The following JADE3 variants were observed in gnomAD, a reference collection of about 807,000 sequenced individuals.
JADE3 encodes the protein protein Jade-3.
A neutral mutation model predicts 50.1 loss-of-function variants in JADE3; 2 were observed. The observed-to-expected ratio is 0.04, with a 90% CI of 0.02 to 0.13. JADE3 has a LOEUF of 0.13. Ranked by LOEUF, JADE3 falls within the 10% of genes least tolerant of loss-of-function variation. The pLI, the probability that JADE3 is intolerant of heterozygous loss-of-function variation, is 1.00. For synonymous variants in JADE3, 218 were observed against 232.9 expected (o/e 0.94, Z 0.58); for missense variants, 475 against 634.4 (o/e 0.75, Z 2.70).
In JADE3 at chrX:47,059,198, C is replaced by G; in HGVS notation, c.*121C>G. The G allele has an allele frequency of 3.8e-6, 2 of 519,864 alleles. No individual in the cohort carries two copies. The highest frequency in any genetic ancestry group is 5.9e-6 in the Non-Finnish European group (2 of 337,255). The allele number at this position is 519,864 out of a possible 1,213,427, so 42.8% of individuals were successfully genotyped here. On this transcript the variant is annotated 3_prime_UTR_variant, in exon 11 of 11. Coordinates refer to ENST00000614628, the MANE Select transcript of JADE3 (RefSeq NM_014735.5). ...TTGCAGTGAAAAGGATAACATTTTT[C>G]CATAGTAAATTGTCTTGCAGTTTTT...
chrX:46,930,148 T>C (rs1016359148), intron 1 of JADE3, among the ~76,000 whole-genome samples: 1 of 112,287 alleles, frequency 8.9e-6, no homozygotes, highest in Non-Finnish European at 1.9e-5. Flanking sequence ...TCCAGATGAC[T>C]TATGAGCCTA....
At chrX:46,957,154 A>T (rs376640179) in intron 1 of JADE3, among the ~76,000 whole-genome samples, 3 of 110,634 alleles carry the variant, frequency 2.7e-5, no homozygotes, top group East Asian at 5.7e-4. Flanking sequence ...AGAAATGCTT[A>T]TTTCTCCTTT....
intron 4 of JADE3, among the ~76,000 whole-genome samples, chrX:47,015,159 A>G (rs961695547): frequency 2.9e-4 from 33 of 112,631 alleles, no homozygotes; most frequent in Admixed American, 2.8e-4. Flanking sequence ...AATTATGAAT[A>G]TATTATTTTG....
chrX:47,040,021 G>C (rs1435059687), intron 8 of JADE3, among the ~76,000 whole-genome samples: 10 of 111,828 alleles, frequency 8.9e-5, no homozygotes, highest in Admixed American at 3.8e-4. Flanking sequence ...GGGGAGACGT[G>C]GATGGGATTG....
intron 3 of JADE3, among the ~76,000 whole-genome samples, chrX:46,991,729 A>G (rs781902247): frequency 4.5e-5 from 5 of 111,482 alleles, no homozygotes; most frequent in South Asian, 7.5e-4. Context: ...AGAGACTTCA[A>G]ATTCTTCTAG....
At position 46,912,421 on chromosome X, in the gene JADE3, A is replaced by G; in HGVS notation, c.-310A>G. The G allele has an allele frequency of 8.8e-6, 1 of 113,274 alleles. No homozygotes were observed. The highest frequency in any genetic ancestry group is 3.4e-4 in the South Asian group (1 of 2,952). 9.3% of individuals were successfully genotyped at this position (113,274 alleles called of 1,213,427 possible). On this transcript the variant is annotated 5_prime_UTR_variant, in exon 1 of 11. Coordinates refer to ENST00000614628, the MANE Select transcript of JADE3 (RefSeq NM_014735.5). ...GGGAAGAGGCGGAGCGTGGGAGCGC[A>G]CAGTGTCAGGAATACAATAGTGCTC...
chrX:47,053,444 A>G (rs1166632613), intron 8 of JADE3, among the ~76,000 whole-genome samples: 2 of 110,410 alleles, frequency 1.8e-5, no homozygotes, highest in Admixed American at 9.6e-5. Context: ...TTTTTAGTAG[A>G]GACAGGGTTT....
chrX:46,956,249 G>A (rs782653415), intron 1 of JADE3, among the ~76,000 whole-genome samples: 9 of 111,599 alleles, frequency 8.1e-5, no homozygotes, highest in Non-Finnish European at 1.5e-4. Context: ...ATTTTTAGTA[G>A]ACAAGGGGTT....
rs919834145 is a variant in JADE3 at position 46,913,736 on chromosome X, C to A, written c.-12+1017C>A. ...GGTGGCGGGATCTGGAGTGAGTGAC[C>A]ACAATGGTGGTATGTGGAGGCATGT... On this transcript the variant is annotated intron_variant, in intron 1 of 10. Transcript: ENST00000614628. Among the ~76,000 whole-genome samples the A allele has an allele frequency of 2.7e-5, 3 of 110,034 alleles. No individual in the cohort carries two copies. The South Asian group carries it at 1.2e-3, about 43-fold the overall frequency.
At chrX:47,010,948 T>C (rs1003604455) in intron 4 of JADE3, among the ~76,000 whole-genome samples, 58 of 112,064 alleles carry the variant, frequency 5.2e-4, no homozygotes, top group African/African-American at 1.7e-3. Context: ...AGCCACCTTC[T>C]CACTGTGTCC....
intron 1 of JADE3, among the ~76,000 whole-genome samples, chrX:46,916,153 A>G (rs956325199): frequency 4.5e-5 from 5 of 112,319 alleles, no homozygotes; most frequent in Admixed American, 9.4e-5. Context: ...CTTCTGGGAC[A>G]CATTCTTTTT....
At chrX:46,935,000 C>A (rs1299305084) in intron 1 of JADE3, among the ~76,000 whole-genome samples, 1 of 111,727 alleles carries the variant, frequency 9.0e-6, no homozygotes, top group Non-Finnish European at 1.9e-5. Context: ...GTGGTGCGAT[C>A]TCAGCACACT....
chrX:46,927,566 A>G (rs1477270737), intron 1 of JADE3, among the ~76,000 whole-genome samples: 1 of 112,088 alleles, frequency 8.9e-6, no homozygotes, highest in Non-Finnish European at 1.9e-5. Flanking sequence ...AATTGAGTAC[A>G]TTGCTATATT....
intron 5 of JADE3, among the ~76,000 whole-genome samples, chrX:47,025,474 C>A (rs1217554246): frequency 8.9e-6 from 1 of 112,210 alleles, no homozygotes; most frequent in East Asian, 2.8e-4. Flanking sequence ...CAGTTCTTAG[C>A]TACTTCCACG....
chrX:47,028,771 C>T lies in JADE3; in HGVS notation c.687+668C>T, dbSNP rs910723810. 7.2e-5 allele frequency among the ~76,000 whole-genome samples: 8 copies of T among 110,815 alleles called. No homozygotes were observed. In the East Asian group the frequency reaches 1.4e-3, roughly 20 times the overall value. On this transcript the variant is annotated intron_variant, in intron 6 of 10. Transcript: ENST00000614628. ...CCTTTCAGCTCTTTCCATTTTTTCCCCCACAAGCACTGTGTTCCAACAAAA... is the reference window on the plus strand; with the variant it reads ...CCTTTCAGCTCTTTCCATTTTTTCCTCCACAAGCACTGTGTTCCAACAAAA...
intron 4 of JADE3, among the ~76,000 whole-genome samples, chrX:47,016,609 C>G (rs1014256287): frequency 9.0e-6 from 1 of 111,420 alleles, no homozygotes; most frequent in Non-Finnish European, 1.9e-5. Context: ...AAAATAGGCC[C>G]CATTTCTCAA....
At chrX:46,963,655 G>C (rs782534553) in intron 1 of JADE3, among the ~76,000 whole-genome samples, 16 of 111,975 alleles carry the variant, frequency 1.4e-4, no homozygotes, top group Non-Finnish European at 2.1e-4. Flanking sequence ...CTCTGCTTTT[G>C]AAGTCCAACG....
chrX:47,027,442 C>G (rs1928930454), intron 5 of JADE3, among the ~76,000 whole-genome samples: 1 of 111,934 alleles, frequency 8.9e-6, no homozygotes, highest in Admixed American at 9.5e-5. Flanking sequence ...CTTGTATAAT[C>G]ATTAGATATG....
intron 1 of JADE3, among the ~76,000 whole-genome samples, chrX:46,941,846 C>T (rs1430977769): frequency 1.8e-5 from 2 of 109,023 alleles, no homozygotes; most frequent in Non-Finnish European, 3.8e-5. Context: ...CAGGTGATCC[C>T]CCTGCCTCAG....
Sources: allele counts gnomAD v4.1 joint callset (sites outside exome capture counted in the v4.1 genomes callset), GRCh38; gene constraint gnomAD v4.1.1; transcripts MANE v1.5; gene names NCBI Gene and HGNC (gene_info 2026-07-23, HGNC 2026-07-21).